The following LY86 variants were observed in gnomAD, a reference collection of about 807,000 sequenced individuals.
The protein encoded by LY86 is MD-1, RP105-associated.
Under a neutral mutation model 17.3 loss-of-function variants are expected in LY86, and 20 were observed. The ratio of observed to expected loss-of-function variants is 1.15; its 90% confidence interval spans 0.81 to 1.68. LY86 has a LOEUF of 1.68. Ranked by LOEUF, LY86 falls within the 40% of genes most tolerant of loss-of-function variation. The pLI, the probability that LY86 is intolerant of heterozygous loss-of-function variation, is 0.00. For missense variants in LY86, 200 were observed against 191.9 expected (o/e 1.04, Z -0.25); for synonymous variants, 74 against 70.6 (o/e 1.05, Z -0.24).
chr6:6,606,164 G>A (rs1439787763), intron 1 of LY86, among the ~76,000 whole-genome samples: 1 of 152,104 alleles, frequency 6.6e-6, no homozygotes, highest in Non-Finnish European at 1.5e-5. Context: ...GGCACTGATT[G>A]GTGCGTTTAC....
chr6:6,612,228 G>A (rs960606651), intron 1 of LY86, among the ~76,000 whole-genome samples: 1 of 152,200 alleles, frequency 6.6e-6, no homozygotes, highest in African/African-American at 2.4e-5. Context: ...AGTTCTTCAA[G>A]AGGGCGTGTC....
At chr6:6,642,228 C>T (rs1014865767) in intron 3 of LY86, among the ~76,000 whole-genome samples, 9 of 152,252 alleles carry the variant, frequency 5.9e-5, no homozygotes, top group Non-Finnish European at 1.2e-4. Flanking sequence ...AGCTGGATTT[C>T]TGATCCCACT....
At chr6:6,638,553 T>G (rs1173750654) in intron 3 of LY86, among the ~76,000 whole-genome samples, 2 of 152,202 alleles carry the variant, frequency 1.3e-5, no homozygotes, top group East Asian at 3.8e-4. Flanking sequence ...TAGCCACACA[T>G]GCCTGGTGAC....
At chr6:6,605,562 G>A (rs1037998450) in intron 1 of LY86, among the ~76,000 whole-genome samples, 2 of 152,260 alleles carry the variant, frequency 1.3e-5, no homozygotes, top group Non-Finnish European at 2.9e-5. Context: ...GCTTCCCACG[G>A]AGTGGGAGAA....
chr6:6,606,244 A>G (rs1020231716), intron 1 of LY86, among the ~76,000 whole-genome samples: 4 of 152,122 alleles, frequency 2.6e-5, no homozygotes, highest in Non-Finnish European at 5.9e-5. Flanking sequence ...TGTGGACGCA[A>G]AGGTTCTCCA....
At chr6:6,605,738 A>G (rs1196074053) in intron 1 of LY86, among the ~76,000 whole-genome samples, 1 of 152,204 alleles carries the variant, frequency 6.6e-6, no homozygotes, top group Admixed American at 6.5e-5. Flanking sequence ...CAGTTCTTAA[A>G]AGGCAGTGTG....
chr6:6,653,605 T>C (rs1005385), intron 4 of LY86, among the ~76,000 whole-genome samples: 58,640 of 152,006 alleles, frequency 0.39, 11,881 homozygotes, highest in East Asian at 0.5. Context: ...GAGACCTCCT[T>C]ACAGTGTTGC....
chr6:6,601,091 G>A (rs1179897676), intron 1 of LY86, among the ~76,000 whole-genome samples: 1 of 152,162 alleles, frequency 6.6e-6, no homozygotes, highest in Non-Finnish European at 1.5e-5. Flanking sequence ...AGGCTTGCTA[G>A]CAAGTATCAG....
intron 1 of LY86, among the ~76,000 whole-genome samples, chr6:6,623,430 T>C (rs1414910828): frequency 6.6e-6 from 1 of 152,128 alleles, no homozygotes; most frequent in African/African-American, 2.4e-5. Flanking sequence ...TGATGGGCCA[T>C]CACCAGTGAC....
intron 1 of LY86, chr6:6,591,494 G>A (rs969399646): frequency 6.5e-6 from 1 of 153,804 alleles, no homozygotes; most frequent in African/African-American, 2.4e-5. Flanking sequence ...TGGAAAAGGA[G>A]TCACCAAGCC....
rs1402482588 is a variant in LY86, at chr6:6,649,585, T to C, written c.353-40T>C. ...CATGTGAATGAATCATTTTTTTAAATGATTGAATAACATCATCTATGCTTT... is the reference window on the plus strand; with the variant it reads ...CATGTGAATGAATCATTTTTTTAAACGATTGAATAACATCATCTATGCTTT... On this transcript the variant is annotated intron_variant, in intron 3 of 4. Transcript: ENST00000230568. 4 of 1,256,250 alleles carry C rather than the reference T, an allele frequency of 3.2e-6. No homozygotes were observed. The South Asian group carries it at 3.9e-5, about 12-fold the overall frequency. The allele number at this position is 1,256,250 out of a possible 1,614,324, so 77.8% of individuals were successfully genotyped here. A position where few individuals can be genotyped will look rare whatever the true frequency, so the allele number is the denominator to read the frequency against.
intron 1 of LY86, among the ~76,000 whole-genome samples, chr6:6,613,205 C>T (rs751394855): frequency 4.6e-5 from 7 of 150,734 alleles, no homozygotes; most frequent in Non-Finnish European, 7.4e-5. Context: ...AGGAGCCCAG[C>T]TGGCTTCACC....
intron 1 of LY86, among the ~76,000 whole-genome samples, chr6:6,616,151 T>C (rs541043989): frequency 6.6e-6 from 1 of 152,324 alleles, no homozygotes; most frequent in Non-Finnish European, 1.5e-5. Context: ...CAGTTTCCTT[T>C]GGGTTGAGAA....
chr6:6,612,148 G>C (rs773958026), intron 1 of LY86, among the ~76,000 whole-genome samples: 2 of 151,304 alleles, frequency 1.3e-5, no homozygotes, highest in East Asian at 1.9e-4. Flanking sequence ...AAGATTGATA[G>C]ATGTGTCCAC....
intron 1 of LY86, among the ~76,000 whole-genome samples, chr6:6,618,315 A>G (rs1426819008): frequency 6.6e-6 from 1 of 152,190 alleles, no homozygotes; most frequent in African/African-American, 2.4e-5. Flanking sequence ...ATCTCCTCCT[A>G]TGCTGATAGA....
chr6:6,598,808 T>C (rs1023288741), intron 1 of LY86, among the ~76,000 whole-genome samples: 1 of 151,740 alleles, frequency 6.6e-6, no homozygotes, highest in Admixed American at 6.6e-5. Context: ...CACATATCAT[T>C]AGAGGGGTGA....
In LY86 at chr6:6,606,229, CAG is replaced by C. The variant is rs199807338; in HGVS notation, c.136+17362_136+17363del. Among the ~76,000 whole-genome samples the C allele has an allele frequency of 4.2e-3, 638 of 152,284 alleles. 9 individuals carry two copies. The East Asian group carries it at 0.061, about 15-fold the overall frequency. On this transcript the variant is annotated intron_variant, in intron 1 of 4. Coordinates refer to ENST00000230568, the MANE Select transcript of LY86 (RefSeq NM_004271.4). ...ACCTCCCCACTAGATTAGCTAGATA[CAG>C]AGTGTGGACGCAAAGGTTCTCCAAG... is the stretch of plus-strand genomic sequence containing the variant.
intron 3 of LY86, among the ~76,000 whole-genome samples, chr6:6,635,941 T>C (rs773803208): frequency 1.5e-4 from 23 of 152,246 alleles, no homozygotes; most frequent in Non-Finnish European, 2.5e-4. Context: ...TCCTGTCCCC[T>C]GACTCATCAG....
intron 1 of LY86, among the ~76,000 whole-genome samples, chr6:6,606,382 C>A (rs1761145952): frequency 6.6e-6 from 1 of 152,200 alleles, no homozygotes; most frequent in Admixed American, 6.5e-5. Context: ...CAAGTCCCCC[C>A]CAGACTCAGG....
Sources: gnomAD v4.1 joint callset for allele counts (sites outside exome capture counted in the v4.1 genomes callset) on GRCh38, gnomAD v4.1.1 for gene constraint, MANE v1.5 for transcripts, NCBI Gene and HGNC (gene_info 2026-07-23, HGNC 2026-07-21) for gene names.